The following HTT variants were observed in gnomAD, a reference collection of about 807,000 sequenced individuals.
HTT encodes the protein huntington disease protein.
A neutral mutation model predicts 362.3 loss-of-function variants in HTT; 104 were observed. The ratio of observed to expected loss-of-function variants is 0.29; its 90% CI spans 0.24 to 0.34. The LOEUF is 0.34. Among genes scored for constraint, HTT ranks in the 10% least tolerant of loss-of-function variants. The pLI, the probability that HTT is intolerant of heterozygous loss-of-function variation, is 1.00. For missense variants in HTT, 3,301 were observed against 3,928.6 expected, an observed-to-expected ratio of 0.84 and a Z score of 4.27; for synonymous variants, 1,577 against 1,548.7, an observed-to-expected ratio of 1.02 and a Z score of -0.43.
intron 12 of HTT, among the ~76,000 whole-genome samples, 167 bp downstream of exon 12, chr4:3,127,771 C>T (rs1715591812): frequency 1.3e-5 from 2 of 151,982 alleles, no homozygotes; most frequent in East Asian, 3.9e-4. Flanking sequence ...CGAGACCAGC[C>T]TGGCCAACAT....
chr4:3,095,120 G>A (rs1156608475), intron 2 of HTT, among the ~76,000 whole-genome samples: 1 of 152,256 alleles, frequency 6.6e-6, no homozygotes, highest in African/African-American at 2.4e-5. Flanking sequence ...CTTCCTAGAC[G>A]GGGTGGCGGC....
intron 37 of HTT, among the ~76,000 whole-genome samples, chr4:3,184,138 G>A (rs1173597784): frequency 6.6e-6 from 1 of 152,074 alleles, no homozygotes; most frequent in Non-Finnish European, 1.5e-5. Flanking sequence ...TGTTCAGCTG[G>A]TGATGAGAAG....
intron 25 of HTT, among the ~76,000 whole-genome samples, chr4:3,147,422 G>A (rs892858396): frequency 5.9e-5 from 9 of 152,164 alleles, no homozygotes; most frequent in Admixed American, 4.6e-4. Flanking sequence ...GCACCTTGGC[G>A]ATGATAATGG....
chr4:3,097,636 CAAAT>C (rs1341860538), intron 2 of HTT, among the ~76,000 whole-genome samples: 6 of 151,948 alleles, frequency 3.9e-5, no homozygotes, highest in Admixed American at 1.3e-4. Flanking sequence ...CATCTCAAAA[CAAAT>C]AAATAAATAA....
chr4:3,236,135 C>T lies in HTT; in HGVS notation c.8786-14C>T, dbSNP rs769932855. 28 of 1,597,178 alleles carry T rather than the reference C, an allele frequency of 1.8e-5. No individual in the cohort carries two copies. Among genetic ancestry groups the T allele is most frequent in the Non-Finnish European group, 2.4e-5 (28 of 1,164,584 alleles). On this transcript the variant is annotated splice_polypyrimidine_tract_variant and intron_variant, in intron 63 of 66. Transcript: ENST00000355072. ...GTATAGAGGTAACCTTCGTACTGAACACTTTTGTTACAGGAAAGGAGAAAG... is the reference window on the plus strand; with the variant it reads ...GTATAGAGGTAACCTTCGTACTGAATACTTTTGTTACAGGAAAGGAGAAAG...
intron 42 of HTT, among the ~76,000 whole-genome samples, chr4:3,205,079 G>GA (rs927071318): frequency 8.6e-5 from 13 of 150,296 alleles, no homozygotes; most frequent in South Asian, 8.4e-4. Flanking sequence ...TCTCTTTAAA[G>GA]AAAAAAAAAT....
rs1715573212 is a variant in HTT at position 3,127,449 on chromosome 4, T to C, written c.1588T>C (p.Leu530=). 1.9e-6 allele frequency: 3 copies of C among 1,614,158 alleles called. No individual in the cohort carries two copies. In the South Asian group the frequency reaches 3.3e-5, roughly 18 times the overall value. Residue 530 remains leucine (L), a synonymous_variant, in exon 12 of 67, where the codon TTG becomes CTG. Transcript: ENST00000355072. ...CACTGATGGGGATGAGGAGGATATCTTGAGCCACAGCTCCAGCCAGGTCAG... is the reference window on the plus strand; with the variant it reads ...CACTGATGGGGATGAGGAGGATATCCTGAGCCACAGCTCCAGCCAGGTCAG... ...SATDGDEEDI[L]SHSSSQVSAV... is the part of the protein sequence containing the mutation.
At position 3,172,996 on chromosome 4, in the gene HTT, G is replaced by A. The variant is rs781689831; in HGVS notation, c.4031G>A (p.Arg1344His). ...NPSKSQGRAQ[R>H]LGSSSVRPGL... is the part of the protein sequence containing the mutation. ...AGCAAGTCACAAGGCCGAGCACAGC[G>A]CCTTGGCTCCTCCAGTGTGAGGCCA... Residue 1344 changes from arginine to histidine, a missense_variant, in exon 31 of 67, where the codon CGC becomes CAC. By Grantham distance (29) the Arg-to-His change is conservative (BLOSUM62 0). Transcript: ENST00000355072. 8.7e-6 allele frequency: 14 copies of A among 1,614,032 alleles called. No individual in the cohort carries two copies. Among genetic ancestry groups the A allele is most frequent in the African/African-American group, 4.0e-5 (3 of 74,922 alleles).
At chr4:3,095,024 G>A (rs1713769364) in intron 2 of HTT, among the ~76,000 whole-genome samples, 1 of 151,804 alleles carries the variant, frequency 6.6e-6, no homozygotes, top group Admixed American at 6.6e-5. Context: ...CCGGGAAGAG[G>A]CGCTCCTCAC....
intron 2 of HTT, among the ~76,000 whole-genome samples, chr4:3,097,979 ATTTC>A (rs1371556138): frequency 6.6e-6 from 1 of 152,232 alleles, no homozygotes; most frequent in East Asian, 1.9e-4. Flanking sequence ...TATCTTAATT[ATTTC>A]TTCACATTAA....
In HTT at chr4:3,212,623, G is replaced by T; in HGVS notation, c.6688G>T (p.Val2230Leu). The part of the protein sequence containing the change: ...TLARALAQYL[V>L]VVSKLPSHLH... Reference sequence around the variant, plus strand: ...GGCCCGGGCCCTGGCACAGTACCTGGTGGTGGTCTCCAAACTGCCCAGTCA... The same window carrying T: ...GGCCCGGGCCCTGGCACAGTACCTGTTGGTGGTCTCCAAACTGCCCAGTCA... The change falls in exon 49 of 67, where the codon GTG becomes TTG. Residue 2230 changes from valine to leucine, a missense_variant. Physicochemically the swap from Val to Leu is conservative, Grantham distance 32. Coordinates refer to ENST00000355072, the MANE Select transcript of HTT (RefSeq NM_001388492.1). 1 of 1,614,230 alleles carries T rather than the reference G, an allele frequency of 6.2e-7. No homozygotes were observed. The highest frequency in any genetic ancestry group is 8.5e-7 in the Non-Finnish European group (1 of 1,180,038).
At position 3,208,925 on chromosome 4, in the gene HTT, G is replaced by T; in HGVS notation, c.6291+14G>T. On this transcript the variant is annotated intron_variant, in intron 46 of 66. Coordinates refer to ENST00000355072, the MANE Select transcript of HTT (RefSeq NM_001388492.1). ...AGTCCGGACAAAGTAAGTGTCCAGC[G>T]TGTCTGCATGGGAGGCACAGGGCGC... 1 of 1,605,762 alleles carries T rather than the reference G, an allele frequency of 6.2e-7. No homozygotes were observed. Among genetic ancestry groups the T allele is most frequent in the South Asian group, 1.1e-5 (1 of 89,720 alleles).
At chr4:3,234,872 G>A (rs1464581431) in intron 61 of HTT, among the ~76,000 whole-genome samples, 1 of 152,214 alleles carries the variant, frequency 6.6e-6, no homozygotes, top group Non-Finnish European at 1.5e-5. Context: ...GGCGCTGTCG[G>A]GGGATCACAG....
intron 6 of HTT, among the ~76,000 whole-genome samples, chr4:3,114,135 T>A (rs1714902836): frequency 6.6e-6 from 1 of 152,210 alleles, no homozygotes; most frequent in South Asian, 2.1e-4. Flanking sequence ...ATGGGCCGAA[T>A]TAAAAGAAGA....
In HTT at chr4:3,074,933, G is replaced by C; in HGVS notation, c.108G>C (p.Gln36His). Residue 36 changes from glutamine (Q) to histidine (H), a missense_variant, in exon 1 of 67, where the codon CAG becomes CAC. Physicochemically the swap from Gln to His is conservative, Grantham distance 24. Transcript: ENST00000355072. The stretch of plus-strand genomic sequence containing the variant: ...AGCAGCAGCAGCAGCAGCAGCAGCA[G>C]CAACAGCCGCCACCGCCGCCGCCGC... Reference protein sequence around the residue: ...QQQQQQQQQQQQQPPPPPPPP... With the variant: ...QQQQQQQQQQHQQPPPPPPPP... The C allele has an allele frequency of 1.4e-6, 2 of 1,444,044 alleles. No individual in the cohort carries two copies. Among genetic ancestry groups the C allele is most frequent in the Non-Finnish European group, 1.8e-6 (2 of 1,097,038 alleles). The allele number at this position is 1,444,044 out of a possible 1,614,324, so 89.5% of individuals were successfully genotyped here. A position where few individuals can be genotyped will look rare whatever the true frequency, so the allele number is the denominator to read the frequency against.
At chr4:3,118,427 G>T (rs1715134243) in intron 8 of HTT, among the ~76,000 whole-genome samples, 1 of 152,214 alleles carries the variant, frequency 6.6e-6, no homozygotes, top group Admixed American at 6.5e-5. Context: ...TCAGTCATGA[G>T]CCGTCACTTA....
intron 55 of HTT, 137 bp from the exon 56 acceptor site, chr4:3,223,855 G>T (rs1406683493): frequency 4.7e-6 from 4 of 853,172 alleles, no homozygotes; most frequent in Admixed American, 4.4e-5. Context: ...TCACGGACAG[G>T]TGCTCACTTA....
At position 3,240,496 on chromosome 4, in the gene HTT, G is replaced by A. The variant is rs144996044; in HGVS notation, c.*437G>A. 1,736 of 224,440 alleles carry A rather than the reference G, an allele frequency of 7.7e-3. 12 individuals carry two copies. The highest frequency in any genetic ancestry group is 0.017 in the African/African-American group (753 of 43,540). The allele number at this position is 224,440 out of a possible 1,614,324, so 13.9% of individuals were successfully genotyped here. A position where few individuals can be genotyped will look rare whatever the true frequency, so the allele number is the denominator to read the frequency against. On this transcript the variant is annotated 3_prime_UTR_variant, in exon 67 of 67. Transcript: ENST00000355072. ...GGGAACACTGGCCTGGGTCTCCCTG[G>A]TGGGGTGTGCATGCCACGCCCCGTG...
rs748925125 is a variant in HTT, at chr4:3,099,230, C to G, written c.348-44C>G. 3.7e-6 allele frequency: 5 copies of G among 1,355,346 alleles called. No individual in the cohort carries two copies. The African/African-American group carries it at 5.7e-5, about 16-fold the overall frequency. The allele number at this position is 1,355,346 out of a possible 1,614,324, so 84.0% of individuals were successfully genotyped here. On this transcript the variant is annotated intron_variant, in intron 2 of 66. Coordinates refer to ENST00000355072, the MANE Select transcript of HTT (RefSeq NM_001388492.1). The stretch of plus-strand genomic sequence containing the variant: ...ACCTCATTACATTTCATTGTCATGT[C>G]ACCTTAGGCTCCTCTTGACAGTTTC...
Sources: gnomAD v4.1 joint callset for allele counts (sites outside exome capture counted in the v4.1 genomes callset) on GRCh38, gnomAD v4.1.1 for gene constraint, MANE v1.5 for transcripts, NCBI Gene and HGNC (gene_info 2026-07-23, HGNC 2026-07-21) for gene names.